CACNA1A: variants seen among roughly 807,000 people sequenced by gnomAD.
The protein encoded by CACNA1A is voltage-dependent P/Q-type calcium channel subunit alpha-1A.
In CACNA1A, 57 loss-of-function variants were observed where a neutral mutation model predicts 262.4. That is an observed-to-expected ratio of 0.22 (90% CI 0.18 to 0.27). The LOEUF (loss-of-function observed/expected upper bound fraction) is 0.27. CACNA1A is among the 10% of genes least tolerant of loss of function. The pLI, the probability that CACNA1A is intolerant of heterozygous loss-of-function variation, is 1.00. For missense variants in CACNA1A, 2,526 were observed against 3,562.8 expected (o/e 0.71, Z 7.41); for synonymous variants, 1,431 against 1,419.3 (o/e 1.01, Z -0.18).
At chr19:13,469,104 A>G (rs898423263) in intron 1 of CACNA1A, among the ~76,000 whole-genome samples, 18 of 152,160 alleles carry the variant, frequency 1.2e-4, no homozygotes, top group Non-Finnish European at 2.2e-4. Flanking sequence ...CAGCAAAGCC[A>G]AGGAAGTCTT....
chr19:13,461,990 T>C (rs557773312), intron 1 of CACNA1A, among the ~76,000 whole-genome samples: 2 of 152,124 alleles, frequency 1.3e-5, no homozygotes, highest in African/African-American at 4.8e-5. Context: ...AGAGGCTGTA[T>C]GTGACCCTGG....
intron 12 of CACNA1A, among the ~76,000 whole-genome samples, chr19:13,312,320 A>C (rs978509700): frequency 6.6e-6 from 1 of 152,220 alleles, no homozygotes; most frequent in African/African-American, 2.4e-5. Context: ...GAAGAAATAG[A>C]AATCATATTG....
At chr19:13,415,671 C>T (rs1029055101) in intron 3 of CACNA1A, among the ~76,000 whole-genome samples, 13 of 136,026 alleles carry the variant, frequency 9.6e-5, no homozygotes, top group African/African-American at 2.5e-4. Context: ...ACCTGGGAGG[C>T]GGAGGTTACA....
At chr19:13,480,050 C>T (rs541685862) in intron 1 of CACNA1A, among the ~76,000 whole-genome samples, 1 of 152,222 alleles carries the variant, frequency 6.6e-6, no homozygotes, top group Non-Finnish European at 1.5e-5. Context: ...TTGCAGAAAA[C>T]ATTTTCTGAT....
intron 3 of CACNA1A, among the ~76,000 whole-genome samples, chr19:13,429,162 G>A (rs959318383): frequency 8.6e-6 from 1 of 116,356 alleles, no homozygotes; most frequent in Non-Finnish European, 1.7e-5. Context: ...CTCTATCACT[G>A]TGCGTACACA....
At position 13,502,700 on chromosome 19, in the gene CACNA1A, G is replaced by GA. The variant is rs1350251178; in HGVS notation, c.293+3231dup. Among the ~76,000 whole-genome samples, 7 of 152,252 alleles carry GA rather than the reference G, an allele frequency of 4.6e-5. No individual in the cohort carries two copies. The East Asian group carries it at 5.8e-4, about 13-fold the overall frequency. ...TGGGTTTCCTCACTTAGGAAGAGGG[G>GA]AAAAAATGAAATAAATGAGGATTCT... On this transcript the variant is annotated intron_variant, in intron 1 of 46. Coordinates refer to ENST00000360228, the MANE Select transcript of CACNA1A (RefSeq NM_001127222.2).
chr19:13,278,180 T>G lies in CACNA1A; in HGVS notation c.3823-1052A>C, dbSNP rs1473619259. Among the ~76,000 whole-genome samples, 3 of 150,956 alleles carry G rather than the reference T, an allele frequency of 2.0e-5. No homozygotes were observed. In the East Asian group the frequency reaches 5.8e-4, roughly 29 times the overall value. On this transcript the variant is annotated intron_variant, in intron 22 of 46. Coordinates refer to ENST00000360228, the MANE Select transcript of CACNA1A (RefSeq NM_001127222.2). ...GAGGGCGCTGTGAACACCAAAGAAG[T>G]CAGGCACATCCTTCCCCTGCTTACA...
rs80327603 is a variant in CACNA1A at position 13,210,970 on chromosome 19, C to T, written c.6304-318G>A. On this transcript the variant is annotated intron_variant, in intron 43 of 46. Coordinates refer to ENST00000360228, the MANE Select transcript of CACNA1A (RefSeq NM_001127222.2). ...GGACGGCGCAGCCTCGAGCCCCTGG[C>T]CCTGGGCTCTGCCTCATGCGATGCA... 5.9e-3 allele frequency: 2,676 copies of T among 453,834 alleles called. 54 individuals are homozygous for T. Among genetic ancestry groups the T allele is most frequent in the African/African-American group, 0.041 (2,083 of 50,944 alleles). 28.1% of individuals were successfully genotyped at this position (453,834 alleles called of 1,614,324 possible).
At chr19:13,321,078 G>C (rs1264260850) in intron 10 of CACNA1A, among the ~76,000 whole-genome samples, 3 of 150,028 alleles carry the variant, frequency 2.0e-5, no homozygotes, top group Non-Finnish European at 4.4e-5. Context: ...CTGTCACCCG[G>C]GCTGGAGTGC....
At chr19:13,404,189 TAC>T (rs374169413) in intron 3 of CACNA1A, among the ~76,000 whole-genome samples, 17 of 150,866 alleles carry the variant, frequency 1.1e-4, no homozygotes, top group South Asian at 2.1e-4. Context: ...TATACACATA[TAC>T]ACACACACAC....
intron 1 of CACNA1A, among the ~76,000 whole-genome samples, chr19:13,485,967 T>C (rs1388897226): frequency 6.6e-6 from 1 of 152,148 alleles, no homozygotes; most frequent in African/African-American, 2.4e-5. Context: ...CACATGCTCA[T>C]CATCAATGAA....
Position 13,247,325 on chromosome 19 carries a change from T to G in CACNA1A, c.4867-2060A>C, listed in dbSNP as rs1242324882. Among the ~76,000 whole-genome samples the G allele has an allele frequency of 3.3e-5, 5 of 152,228 alleles. No homozygotes were observed. The East Asian group carries it at 9.6e-4, about 29-fold the overall frequency. On this transcript the variant is annotated intron_variant, in intron 30 of 46. Transcript: ENST00000360228. The stretch of plus-strand genomic sequence containing the variant: ...GGTAACACAGCAATCAGACAATGAA[T>G]GTGCGTCGCTGAGCATGGAATATAC...
At chr19:13,486,250 G>C (rs563277467) in intron 1 of CACNA1A, among the ~76,000 whole-genome samples, 11 of 152,194 alleles carry the variant, frequency 7.2e-5, no homozygotes, top group Non-Finnish European at 1.6e-4. Flanking sequence ...ATGAGCATGA[G>C]GGAGAATCTG....
chr19:13,349,937 G>A (rs939422208), intron 6 of CACNA1A, among the ~76,000 whole-genome samples: 1 of 152,184 alleles, frequency 6.6e-6, no homozygotes, highest in African/African-American at 2.4e-5. Context: ...GAAGGTCCAG[G>A]GAAGAGGCCC....
intron 40 of CACNA1A, chr19:13,213,673 T>TTTTA (rs1491474788): frequency 7.7e-4 from 3 of 3,898 alleles, no homozygotes; most frequent in Non-Finnish European, 1.7e-3. Flanking sequence ...TGGCAAGAAC[T>TTTTA]TTTTTTTTTT....
intron 6 of CACNA1A, among the ~76,000 whole-genome samples, chr19:13,357,490 C>T (rs1194749426): frequency 1.3e-5 from 2 of 152,180 alleles, no homozygotes; most frequent in Non-Finnish European, 2.9e-5. Flanking sequence ...CACTGGTCAA[C>T]AGAGCTGTGT....
intron 3 of CACNA1A, among the ~76,000 whole-genome samples, chr19:13,412,258 C>T (rs1232080518): frequency 1.3e-5 from 2 of 151,938 alleles, no homozygotes; most frequent in Non-Finnish European, 2.9e-5. Flanking sequence ...AGAGGTCTCA[C>T]TGTGTTGCCC....
At chr19:13,379,963 G>T (rs2059487764) in intron 3 of CACNA1A, among the ~76,000 whole-genome samples, 2 of 129,172 alleles carry the variant, frequency 1.5e-5, no homozygotes, top group South Asian at 5.1e-4. Context: ...GACCAGCACT[G>T]CCCAGGAGAA....
chr19:13,396,546 A>T (rs1037282312), intron 3 of CACNA1A, among the ~76,000 whole-genome samples: 14 of 152,252 alleles, frequency 9.2e-5, no homozygotes, highest in African/African-American at 3.4e-4. Flanking sequence ...GCTAATGAGC[A>T]TTTGAAATGG....
Sources: allele counts gnomAD v4.1 joint callset (sites outside exome capture counted in the v4.1 genomes callset), GRCh38; gene constraint gnomAD v4.1.1; transcripts MANE v1.5; gene names NCBI Gene and HGNC (gene_info 2026-07-23, HGNC 2026-07-21).